Variants in SLC6A13 observed in about 807,000 individuals in gnomAD.
SLC6A13 encodes the protein sodium- and chloride-dependent GABA transporter 2.
Under a neutral mutation model 72.9 loss-of-function variants are expected in SLC6A13, and 69 were observed. That is an observed-to-expected ratio of 0.95 (90% CI 0.78 to 1.16). The LOEUF is 1.16. Ranked by LOEUF, SLC6A13 falls within the 50% of genes most tolerant of loss-of-function variation. The pLI is 0.00. For synonymous variants in SLC6A13, 303 were observed against 303.0 expected (o/e 1.00, Z 0.00); for missense variants, 735 against 760.5 (o/e 0.97, Z 0.39).
intron 7 of SLC6A13, among the ~76,000 whole-genome samples, chr12:228,467 CA>C (rs1050571883): frequency 6.6e-6 from 1 of 152,144 alleles, no homozygotes; most frequent in African/African-American, 2.4e-5. Flanking sequence ...GACATCCAAG[CA>C]GGTGTTCCTC....
chr12:239,818 G>A (rs1396127022), intron 4 of SLC6A13, among the ~76,000 whole-genome samples: 1 of 152,186 alleles, frequency 6.6e-6, no homozygotes, highest in Non-Finnish European at 1.5e-5. Flanking sequence ...TTTCCTGGAC[G>A]CTGCAGTGCA....
chr12:223,314 C>A, intron 11 of SLC6A13, 80 bp from the exon 12 acceptor site: 1 of 830,340 alleles, frequency 1.2e-6, no homozygotes, highest in Non-Finnish European at 1.9e-6. Context: ...TTTAGCTTCA[C>A]ACGGTGGAGG....
At chr12:221,573 G>A (rs772772135) in intron 13 of SLC6A13, 27 bp from the exon 14 acceptor site, 2 of 1,498,640 alleles carry the variant, frequency 1.3e-6, no homozygotes, top group East Asian at 2.3e-5. Flanking sequence ...AAGAGAAAGG[G>A]GTTGGGGGGC....
At chr12:256,334 C>A (rs1323312549) in intron 2 of SLC6A13, 3 of 152,058 alleles carry the variant, frequency 2.0e-5, no homozygotes, top group Middle Eastern at 3.2e-3. Flanking sequence ...GAGTATGCGC[C>A]GAGGCAATGG....
intron 4 of SLC6A13, among the ~76,000 whole-genome samples, chr12:241,414 G>A (rs1942162548): frequency 6.6e-6 from 1 of 152,226 alleles, no homozygotes; most frequent in African/African-American, 2.4e-5. Context: ...CAAGGAGAGA[G>A]GGATGTGCCA....
chr12:223,780 C>A, intron 11 of SLC6A13: 1 of 575,782 alleles, frequency 1.7e-6, no homozygotes, highest in Admixed American at 3.0e-5. Context: ...TGGCTCCTCA[C>A]CCATCCCTGG....
At chr12:233,771 G>C (rs1336476594) in intron 7 of SLC6A13, among the ~76,000 whole-genome samples, 2 of 152,146 alleles carry the variant, frequency 1.3e-5, no homozygotes, top group Non-Finnish European at 2.9e-5. Flanking sequence ...CTACCCTAGT[G>C]ATATTTGCCT....
At position 220,771 on chromosome 12, in the gene SLC6A13, CT is replaced by C. The variant is rs1452346130; in HGVS notation, c.*176del. ...GCCTTTCACATCTGTTCAACAACCC[CT>C]GAGCTGAAAAGTTGCAGTGGGAGGC... On this transcript the variant is annotated 3_prime_UTR_variant, in exon 15 of 15. Transcript: ENST00000343164. 8.8e-6 allele frequency: 6 copies of C among 682,474 alleles called. No homozygotes were observed. In the African/African-American group the frequency reaches 1.1e-4, roughly 12 times the overall value. The allele number at this position is 682,474 out of a possible 1,614,324, so 42.3% of individuals were successfully genotyped here.
chr12:221,452 A>C lies in SLC6A13; in HGVS notation c.1610T>G (p.Leu537Arg), dbSNP rs1941207288. 2.5e-6 allele frequency: 4 copies of C among 1,614,052 alleles called. No homozygotes were observed. Among genetic ancestry groups the C allele is most frequent in the Non-Finnish European group, 3.4e-6 (4 of 1,179,930 alleles). Reference sequence around the variant, plus strand: ...AATGCAGACCATGGAGGACAGAGCCAGGAGCCAGCCCAGGGCATCGCCCCA... The same window carrying C: ...AATGCAGACCATGGAGGACAGAGCCCGGAGCCAGCCCAGGGCATCGCCCCA... ...PWWGDALGWL[L>R]ALSSMVCIPA... The change falls in exon 14 of 15, where the codon CTG (leucine) becomes CGG (arginine). Residue 537 changes from leucine (L) to arginine (R), a missense_variant. Transcript: ENST00000343164.
intron 12 of SLC6A13, 58 bp downstream of exon 12, chr12:223,074 G>T: frequency 1.9e-6 from 2 of 1,050,342 alleles, no homozygotes; most frequent in South Asian, 1.4e-5. Flanking sequence ...CGTGTCTAAG[G>T]ACCCCAAGAC....
intron 4 of SLC6A13, chr12:238,249 G>A (rs753509684): frequency 7.4e-6 from 11 of 1,494,562 alleles, no homozygotes; most frequent in Non-Finnish European, 9.8e-6. Flanking sequence ...TTCTCCTCAA[G>A]CATGATCAGA....
intron 2 of SLC6A13, chr12:256,427 ATTAT>A (rs1296019073): frequency 3.3e-5 from 5 of 152,288 alleles, no homozygotes; most frequent in African/African-American, 9.6e-5. Context: ...CAGCAGGGAG[ATTAT>A]TTACCCAGGA....
In SLC6A13 at chr12:221,552, G is replaced by A. The variant is rs538691841; in HGVS notation, c.1516-6C>T. ...AGGGAGAAGAGAAAGGTGGCCTGAG[G>A]GGGAGAGCAGAAGAGAAAGGGGTTG... On this transcript the variant is annotated splice_polypyrimidine_tract_variant and splice_region_variant and intron_variant, in intron 13 of 14. Coordinates refer to ENST00000343164, the MANE Select transcript of SLC6A13 (RefSeq NM_016615.5). The A allele has an allele frequency of 5.7e-6, 9 of 1,574,692 alleles. No individual in the cohort carries two copies. In the East Asian group the frequency reaches 1.8e-4, roughly 32 times the overall value.
At chr12:236,682 T>G (rs899549722) in intron 6 of SLC6A13, among the ~76,000 whole-genome samples, 7 of 152,214 alleles carry the variant, frequency 4.6e-5, no homozygotes, top group Non-Finnish European at 1.0e-4. Flanking sequence ...TCATGGAGCT[T>G]ACTAGCTTAG....
At position 243,713 on chromosome 12, in the gene SLC6A13, G is replaced by A. The variant is rs1315626331; in HGVS notation, c.303C>T (p.Val101=). Residue 101 remains valine (V), a synonymous_variant, in exon 3 of 15, where the codon GTC becomes GTT. Coordinates refer to ENST00000343164, the MANE Select transcript of SLC6A13 (RefSeq NM_016615.5). ...ALGQYTSQGG[V]TAWRKICPIF... ...TGGGGCAGATCTTCCTCCAGGCTGTGACGCCTCCCTGGCTAGTGTACTGGC... is the reference window on the plus strand; with the variant it reads ...TGGGGCAGATCTTCCTCCAGGCTGTAACGCCTCCCTGGCTAGTGTACTGGC... 1.9e-6 allele frequency: 3 copies of A among 1,614,072 alleles called. No individual in the cohort carries two copies. In the African/African-American group the frequency reaches 4.0e-5, roughly 22 times the overall value.
rs1941348670 is a variant in SLC6A13 at position 224,319 on chromosome 12, C to T, written c.1173+82G>A. 3.6e-6 allele frequency: 5 copies of T among 1,376,952 alleles called. No individual in the cohort carries two copies. In the Admixed American group the frequency reaches 6.9e-5, roughly 19 times the overall value. The allele number at this position is 1,376,952 out of a possible 1,614,324, so 85.3% of individuals were successfully genotyped here. On this transcript the variant is annotated intron_variant, in intron 10 of 14. Transcript: ENST00000343164. Reference sequence around the variant, plus strand: ...TGTGTCCCCAAAAGGGCATCCACTTCTGACATTCACCCATGGCTCCTCCTC... The same window carrying T: ...TGTGTCCCCAAAAGGGCATCCACTTTTGACATTCACCCATGGCTCCTCCTC...
intron 6 of SLC6A13, chr12:236,788 A>C: frequency 1.3e-5 from 2 of 159,552 alleles, no homozygotes; most frequent in African/African-American, 2.4e-5. Flanking sequence ...GTCCCCTGGA[A>C]TTCTTGAGTT....
chr12:223,907 G>A, intron 11 of SLC6A13, 85 bp downstream of exon 11: 1 of 1,500,338 alleles, frequency 6.7e-7, no homozygotes, highest in South Asian at 1.1e-5. Context: ...CCCTGACCGG[G>A]AGCCAGGGTA....
At chr12:262,256 G>C (rs1942950393) in intron 1 of SLC6A13, among the ~76,000 whole-genome samples, 1 of 152,200 alleles carries the variant, frequency 6.6e-6, no homozygotes, top group South Asian at 2.1e-4. Flanking sequence ...ATGAGCTGTA[G>C]AGTCAGATGA....
Sources: allele counts gnomAD v4.1 joint callset (sites outside exome capture counted in the v4.1 genomes callset), GRCh38; gene constraint gnomAD v4.1.1; transcripts MANE v1.5; gene names NCBI Gene and HGNC (gene_info 2026-07-23, HGNC 2026-07-21).